BRCC3: variants seen among roughly 807,000 people sequenced by gnomAD.
BRCC3 encodes lys-63-specific deubiquitinase BRCC36.
Under a neutral mutation model 28.0 loss-of-function variants are expected in BRCC3, and 15 were observed. The observed-to-expected ratio is 0.54, with a 90% CI of 0.36 to 0.82. BRCC3 has a LOEUF of 0.82. Among genes scored for constraint, BRCC3 ranks in the 40% least tolerant of loss-of-function variants. BRCC3 has a pLI of 0.01. For missense variants in BRCC3, 109 were observed against 225.9 expected (o/e 0.48, Z 3.32); for synonymous variants, 66 against 80.3 (o/e 0.82, Z 0.95).
Position 155,116,069 on chromosome X carries a change from C to G in BRCC3, c.561C>G (p.Ile187Met), listed in dbSNP as rs781938102. The change falls in exon 8 of 11, where the codon ATC becomes ATG. Residue 187 changes from isoleucine (I) to methionine (M), a missense_variant. By Grantham distance (10) the Ile-to-Met change is conservative (BLOSUM62 1). Around this residue, in one of 3 missense-constraint regions of BRCC3, gnomAD observed 50 missense variants for 115.2 expected, o/e 0.43. Coordinates refer to ENST00000330045, the MANE Select transcript of BRCC3 (RefSeq NM_001018055.3). ...GATTGCCTCACAGGTATGAGAGAAT[C>G]GAAATCCCAATCCATATTGTACCTC... The part of the protein sequence containing the change: ...QAQKSSEYER[I>M]EIPIHIVPHV... The G allele has an allele frequency of 1.8e-5, 22 of 1,207,843 alleles. No homozygotes were observed. Among genetic ancestry groups the G allele is most frequent in the Non-Finnish European group, 2.4e-5 (21 of 893,601 alleles).
chrX:155,088,407 G>A (rs1557295205), intron 5 of BRCC3, among the ~76,000 whole-genome samples: 1 of 103,241 alleles, frequency 9.7e-6, no homozygotes, highest in African/African-American at 3.6e-5. Flanking sequence ...AGGCTGGAGT[G>A]CAATGGCACC....
chrX:155,075,333 T>TTCTTGTTCTTC, intron 3 of BRCC3, among the ~76,000 whole-genome samples: 1 of 110,238 alleles, frequency 9.1e-6, no homozygotes, highest in Non-Finnish European at 1.9e-5. Context: ...ATGTGGCCAC[T>TTCTTGTTCTTC]CCCCTTGATT....
At chrX:155,088,627 A>G (rs1236238347) in intron 5 of BRCC3, among the ~76,000 whole-genome samples, 4 of 111,761 alleles carry the variant, frequency 3.6e-5, no homozygotes, top group African/African-American at 1.3e-4. Context: ...TGCTAGGATT[A>G]CAGGCAAGAG....
chrX:155,102,795 A>T (rs1557297027), intron 7 of BRCC3, among the ~76,000 whole-genome samples: 2 of 112,556 alleles, frequency 1.8e-5, no homozygotes, highest in East Asian at 5.5e-4. Context: ...CAACAAAAAC[A>T]GATGTTGTAT....
intron 3 of BRCC3, among the ~76,000 whole-genome samples, chrX:155,075,284 A>ATTT (rs2074025125): frequency 1.6e-4 from 8 of 50,160 alleles, no homozygotes; most frequent in African/African-American, 5.7e-4. Context: ...TGCTAAGCCC[A>ATTT]CTCTTTCCCC....
At chrX:155,082,794 A>G (rs1247089728) in intron 5 of BRCC3, among the ~76,000 whole-genome samples, 2 of 112,411 alleles carry the variant, frequency 1.8e-5, no homozygotes, top group African/African-American at 3.2e-5. Context: ...TTAACTCAAT[A>G]TTGTCCTTTA....
chrX:155,089,391 A>G (rs1602779848), intron 6 of BRCC3, 40 bp downstream of exon 6: 5 of 776,229 alleles, frequency 6.4e-6, no homozygotes, highest in Non-Finnish European at 7.4e-6. Context: ...GTGTGTGTGT[A>G]GGGTCTGTGT....
intron 3 of BRCC3, among the ~76,000 whole-genome samples, chrX:155,075,308 TC>T (rs1821410074): frequency 1.9e-5 from 1 of 51,988 alleles, no homozygotes; most frequent in South Asian, 8.3e-4. Flanking sequence ...CCCTTCTTGT[TC>T]TTCCCCACAC....
At chrX:155,099,554 A>T (rs1471078298) in intron 7 of BRCC3, among the ~76,000 whole-genome samples, 2 of 111,975 alleles carry the variant, frequency 1.8e-5, no homozygotes, top group Non-Finnish European at 3.8e-5. Context: ...CTTTTACTTC[A>T]AGTAGCTCTG....
chrX:155,074,618 C>T (rs1339222493), intron 3 of BRCC3, among the ~76,000 whole-genome samples: 1 of 112,072 alleles, frequency 8.9e-6, no homozygotes, highest in Non-Finnish European at 1.9e-5. Context: ...GAGAAAGAAA[C>T]AATTCACCCT....
At chrX:155,099,185 G>GTTT (rs372745437) in intron 7 of BRCC3, 170 of 575,860 alleles carry the variant, frequency 3.0e-4, no homozygotes, top group Non-Finnish European at 3.5e-4. Context: ...AATTAGAAAT[G>GTTT]TTTTTTTTTT....
chrX:155,081,366 A>G (rs1172512323), intron 5 of BRCC3, among the ~76,000 whole-genome samples: 1 of 109,282 alleles, frequency 9.2e-6, no homozygotes, highest in Non-Finnish European at 1.9e-5. Context: ...TAATGAAACT[A>G]TGGGTACAAC....
intron 7 of BRCC3, among the ~76,000 whole-genome samples, chrX:155,106,738 A>G (rs1358984143): frequency 1.8e-5 from 2 of 112,559 alleles, no homozygotes; most frequent in Non-Finnish European, 3.8e-5. Context: ...ACAGAAATGT[A>G]AGTAGCAGTG....
At chrX:155,105,863 T>C (rs1040496558) in intron 7 of BRCC3, among the ~76,000 whole-genome samples, 62 of 111,615 alleles carry the variant, frequency 5.6e-4, no homozygotes, top group African/African-American at 1.9e-3. Flanking sequence ...CACACCTGGC[T>C]AATTTTTGTA....
Position 155,121,442 on chromosome X carries a change from G to GAA in BRCC3, c.*242_*243dup, listed in dbSNP as rs1245748875. 1 of 111,941 alleles carries GAA rather than the reference G, an allele frequency of 8.9e-6. No homozygotes were observed. The highest frequency in any genetic ancestry group is 1.9e-5 in the Non-Finnish European group (1 of 53,180). 9.2% of individuals were successfully genotyped at this position (111,941 alleles called of 1,213,427 possible). A position where few individuals can be genotyped will look rare whatever the true frequency, so the allele number is the denominator to read the frequency against. ...TATGCTCAGCTGATTTTGAAAAAGT[G>GAA]AAAAAGCAATTCAATGGAGGAAGAA... On this transcript the variant is annotated 3_prime_UTR_variant, in exon 11 of 11. Coordinates refer to ENST00000330045, the MANE Select transcript of BRCC3 (RefSeq NM_001018055.3).
At chrX:155,095,312 T>G (rs2074202523) in intron 7 of BRCC3, among the ~76,000 whole-genome samples, 1 of 111,812 alleles carries the variant, frequency 8.9e-6, no homozygotes, top group Non-Finnish European at 1.9e-5. Flanking sequence ...ATTTATTTAT[T>G]TTTTTGTGAT....
intron 5 of BRCC3, among the ~76,000 whole-genome samples, chrX:155,085,163 C>G (rs1036055507): frequency 2.7e-5 from 3 of 112,244 alleles, no homozygotes; most frequent in African/African-American, 9.7e-5. Context: ...TGAAATGTTT[C>G]CATGTCCCCT....
intron 3 of BRCC3, among the ~76,000 whole-genome samples, chrX:155,076,700 T>C (rs1399775972): frequency 1.8e-5 from 2 of 111,195 alleles, no homozygotes; most frequent in African/African-American, 3.3e-5. Context: ...TCCTGATACG[T>C]GGGGTTTACA....
intron 7 of BRCC3, among the ~76,000 whole-genome samples, chrX:155,106,039 A>G (rs894150991): frequency 8.9e-6 from 1 of 111,968 alleles, no homozygotes; most frequent in Non-Finnish European, 1.9e-5. Context: ...CTTACTATCA[A>G]CTTGTCTAGC....
Sources: allele counts gnomAD v4.1 joint callset (sites outside exome capture counted in the v4.1 genomes callset), GRCh38; gene constraint gnomAD v4.1.1; regional missense constraint gnomAD v4.1.1; transcripts MANE v1.5; gene names NCBI Gene and HGNC (gene_info 2026-07-23, HGNC 2026-07-21).